The following GALNT3 variants were observed in gnomAD, a reference collection of about 807,000 sequenced individuals.
GALNT3 encodes polypeptide N-acetylgalactosaminyltransferase 3.
Under a neutral mutation model 69.8 loss-of-function variants are expected in GALNT3, and 51 were observed. That is an observed-to-expected ratio of 0.73 (90% CI 0.58 to 0.92). The LOEUF is 0.92. GALNT3 is among the 40% of genes least tolerant of loss of function. The pLI is 0.00. For missense variants in GALNT3, 711 were observed against 760.0 expected, an observed-to-expected ratio of 0.94 and a Z score of 0.76; for synonymous variants, 265 against 248.5, an observed-to-expected ratio of 1.07 and a Z score of -0.63.
intron 9 of GALNT3, among the ~76,000 whole-genome samples, chr2:165,753,715 GT>G (rs764144372): frequency 3.7e-4 from 56 of 152,226 alleles, no homozygotes; most frequent in Non-Finnish European, 5.6e-4. Context: ...TATATAACAT[GT>G]TCTCTACCCA....
At position 165,762,062 on chromosome 2, in the gene GALNT3, G is replaced by GA. The variant is rs748228120; in HGVS notation, c.689-9dup. On this transcript the variant is annotated splice_polypyrimidine_tract_variant and intron_variant, in intron 3 of 10. Coordinates refer to ENST00000392701, the MANE Select transcript of GALNT3 (RefSeq NM_004482.4). ...GTTTATCATGTAAGTACTCTGTAAG[G>GA]AAAAAAAATCAGGGTTAATTCTTTC... The GA allele has an allele frequency of 1.8e-5, 27 of 1,513,874 alleles. No homozygotes were observed. The highest frequency in any genetic ancestry group is 2.0e-4 in the Middle Eastern group (1 of 5,122). 93.8% of individuals were successfully genotyped at this position (1,513,874 alleles called of 1,614,324 possible).
In GALNT3 at chr2:165,757,247, C is replaced by A. The variant is rs1158283152; in HGVS notation, c.1192G>T (p.Val398Leu). 2 of 1,612,910 alleles carry A rather than the reference C, an allele frequency of 1.2e-6. No individual in the cohort carries two copies. Among genetic ancestry groups the A allele is most frequent in the East Asian group, 2.2e-5 (1 of 44,858 alleles). The change falls in exon 7 of 11, where the codon GTA becomes TTA. Residue 398 changes from valine (V) to leucine (L), a missense_variant and splice_region_variant. By Grantham distance (32) the Val-to-Leu change is conservative (BLOSUM62 1). Transcript: ENST00000392701. ...TCCAACTGCCCACCACATTGCCATACCTGATAATTAATGATATTTGTTTAA... is the reference window on the plus strand; with the variant it reads ...TCCAACTGCCCACCACATTGCCATAACTGATAATTAATGATATTTGTTTAA... ...GGENIEMSFRVWQCGGQLEIM... is the reference protein window; with the variant it reads ...GGENIEMSFRLWQCGGQLEIM...
intron 9 of GALNT3, among the ~76,000 whole-genome samples, chr2:165,752,866 G>A (rs1295104298): frequency 1.3e-5 from 2 of 152,024 alleles, no homozygotes; most frequent in Non-Finnish European, 2.9e-5. Context: ...AATATATGGA[G>A]GGTAAGAAAA....
intron 2 of GALNT3, among the ~76,000 whole-genome samples, chr2:165,768,342 CTGAT>C (rs1227313754): frequency 1.3e-5 from 2 of 152,162 alleles, no homozygotes; most frequent in African/African-American, 2.4e-5. Flanking sequence ...TGAGCTGTCA[CTGAT>C]TGTCATGTCA....
At chr2:165,763,125 A>G (rs959739342) in intron 3 of GALNT3, among the ~76,000 whole-genome samples, 2 of 152,072 alleles carry the variant, frequency 1.3e-5, no homozygotes, top group African/African-American at 4.8e-5. Context: ...CAACTTCTTA[A>G]GCCTGTTTTT....
At position 165,764,943 on chromosome 2, in the gene GALNT3, T is replaced by C. The variant is rs1160723693; in HGVS notation, c.629A>G (p.Tyr210Cys). 1.9e-6 allele frequency: 3 copies of C among 1,614,092 alleles called. No homozygotes were observed. The highest frequency in any genetic ancestry group is 2.5e-6 in the Non-Finnish European group (3 of 1,180,030). Reference sequence around the variant, plus strand: ...CTTCAGCAGTATTGCAGGTGAAGAATAGAGCACACTGTGGACAGTTCTAAG... The same window carrying C: ...CTTCAGCAGTATTGCAGGTGAAGAACAGAGCACACTGTGGACAGTTCTAAG... ...TLLRTVHSVLYSSPAILLKEI... is the reference protein window; with the variant it reads ...TLLRTVHSVLCSSPAILLKEI... Residue 210 changes from tyrosine to cysteine, a missense_variant, in exon 3 of 11, where the codon TAT (tyrosine) becomes TGT (cysteine). By Grantham distance (194) the Tyr-to-Cys change is radical. Coordinates refer to ENST00000392701, the MANE Select transcript of GALNT3 (RefSeq NM_004482.4).
At chr2:165,762,466 A>C (rs1688568978) in intron 3 of GALNT3, among the ~76,000 whole-genome samples, 1 of 152,186 alleles carries the variant, frequency 6.6e-6, no homozygotes, top group African/African-American at 2.4e-5. Context: ...TAAATCTGGA[A>C]ATCTTAAAGA....
chr2:165,785,161 C>G (rs897772669), intron 1 of GALNT3, among the ~76,000 whole-genome samples: 1 of 152,038 alleles, frequency 6.6e-6, no homozygotes, highest in African/African-American at 2.4e-5. Context: ...CACATTAAAG[C>G]ATTGTTCTAA....
chr2:165,774,252 G>A (rs1182586138), intron 1 of GALNT3, among the ~76,000 whole-genome samples: 1 of 152,120 alleles, frequency 6.6e-6, no homozygotes, highest in Non-Finnish European at 1.5e-5. Context: ...CAGGGCTATC[G>A]AGTGACAGTC....
intron 1 of GALNT3, among the ~76,000 whole-genome samples, chr2:165,789,448 A>G (rs1683296673): frequency 6.6e-6 from 1 of 152,246 alleles, no homozygotes; most frequent in Non-Finnish European, 1.5e-5. Context: ...AATTTTGGAA[A>G]AACACAAACA....
chr2:165,781,604 GA>G (rs553855165), intron 1 of GALNT3, among the ~76,000 whole-genome samples: 1,682 of 121,084 alleles, frequency 0.014, 11 homozygotes, highest in African/African-American at 0.027. Context: ...TCTCAAAAAA[GA>G]AAAAAAAAAA....
intron 1 of GALNT3, among the ~76,000 whole-genome samples, chr2:165,781,782 C>T (rs1008697758): frequency 2.0e-5 from 3 of 152,046 alleles, no homozygotes; most frequent in Admixed American, 2.0e-4. Flanking sequence ...TGTAGTGGAT[C>T]AGTGTGATGA....
chr2:165,782,622 A>G (rs984280423), intron 1 of GALNT3, among the ~76,000 whole-genome samples: 42 of 152,172 alleles, frequency 2.8e-4, no homozygotes, highest in African/African-American at 9.4e-4. Flanking sequence ...TGGACCCACT[A>G]TGAGTACAAC....
chr2:165,756,150 C>T (rs1311250873), intron 7 of GALNT3, among the ~76,000 whole-genome samples: 1 of 152,052 alleles, frequency 6.6e-6, no homozygotes, highest in African/African-American at 2.4e-5. Flanking sequence ...AAAGAGGTAA[C>T]CAAATCGTTC....
chr2:165,750,704 G>A (rs972426024), intron 9 of GALNT3, among the ~76,000 whole-genome samples: 2 of 152,130 alleles, frequency 1.3e-5, no homozygotes, highest in Non-Finnish European at 2.9e-5. Context: ...CACTACTGTT[G>A]CTAAGATAAA....
rs756423427 is a variant in GALNT3, at chr2:165,770,348, G to A, written c.353C>T (p.Ser118Leu). 1.9e-5 allele frequency: 31 copies of A among 1,614,054 alleles called. No individual in the cohort carries two copies. Among genetic ancestry groups the A allele is most frequent in the Non-Finnish European group, 2.5e-5 (29 of 1,180,044 alleles). The change falls in exon 2 of 11, where the codon TCA becomes TTA. Residue 118 changes from serine to leucine, a missense_variant. Transcript: ENST00000392701. Reference sequence around the variant, plus strand: ...TTTACCAGAAGCACCAGGTGCATTTGAATCCTGAGGTGGACGGTCAAGGAC... The same window carrying A: ...TTTACCAGAAGCACCAGGTGCATTTAAATCCTGAGGTGGACGGTCAAGGAC... ...KPVLDRPPQD[S>L]NAPGASGKAF...
chr2:165,784,892 C>G (rs1245047595), intron 1 of GALNT3, among the ~76,000 whole-genome samples: 1 of 152,104 alleles, frequency 6.6e-6, no homozygotes, highest in Non-Finnish European at 1.5e-5. Context: ...TCAAAAAGCT[C>G]AAAGAAAACA....
chr2:165,780,646 T>TTTTTTG (rs1553495825), intron 1 of GALNT3, among the ~76,000 whole-genome samples: 4 of 101,768 alleles, frequency 3.9e-5, no homozygotes, highest in African/African-American at 1.5e-4. Context: ...GAGGGGTTTT[T>TTTTTTG]TTGTTGTTGT....
chr2:165,766,652 A>C (rs59882814), intron 2 of GALNT3, among the ~76,000 whole-genome samples: 1,294 of 60,692 alleles, frequency 0.021, 12 homozygotes, highest in African/African-American at 0.047. Context: ...GTCACTTAAA[A>C]ACCATAAATT....
Sources: gnomAD v4.1 joint callset for allele counts (sites outside exome capture counted in the v4.1 genomes callset) on GRCh38, gnomAD v4.1.1 for gene constraint, MANE v1.5 for transcripts, NCBI Gene and HGNC (gene_info 2026-07-23, HGNC 2026-07-21) for gene names.